BRWD3: variants seen among roughly 807,000 people sequenced by gnomAD.
BRWD3 encodes the protein bromodomain and WD repeat domain containing 3.
BRWD3 carries 10 observed loss-of-function variants against 149.7 expected under a neutral mutation model. The ratio of observed to expected loss-of-function variants is 0.07; its 90% CI spans 0.04 to 0.11. The LOEUF (loss-of-function observed/expected upper bound fraction) is 0.11, where lower values mean the gene tolerates loss of function less well. Among genes scored for constraint, BRWD3 ranks in the 10% least tolerant of loss-of-function variants. The probability of loss-of-function intolerance (pLI) is 1.00; values close to 1 mark genes in which losing one functional copy is unlikely to be tolerated. For synonymous variants in BRWD3, 504 were observed against 456.7 expected (o/e 1.10, Z -1.32); for missense variants, 940 against 1,373.2 (o/e 0.68, Z 4.99).
chrX:80,798,863 G>T (rs1350365979), intron 4 of BRWD3, among the ~76,000 whole-genome samples: 1 of 111,560 alleles, frequency 9.0e-6, no homozygotes, highest in East Asian at 2.8e-4. Flanking sequence ...TGAAATGTAA[G>T]GATCCCTATG....
chrX:80,762,207 T>C (rs189927857), intron 6 of BRWD3, among the ~76,000 whole-genome samples: 1 of 111,793 alleles, frequency 8.9e-6, no homozygotes, highest in East Asian at 2.8e-4. Context: ...GTTTTGCCTT[T>C]CTCTCTTTGA....
chrX:80,770,450 C>A (rs62211732), intron 6 of BRWD3, among the ~76,000 whole-genome samples: 3 of 111,631 alleles, frequency 2.7e-5, no homozygotes, highest in African/African-American at 9.8e-5. Flanking sequence ...GTTCAGCATA[C>A]GCAAATCAAT....
At chrX:80,682,751 T>G (rs2072471577) in intron 37 of BRWD3, 123 bp from the exon 38 acceptor site, 2 of 659,831 alleles carry the variant, frequency 3.0e-6, no homozygotes, top group Admixed American at 3.6e-5. Context: ...TGAAAAATTC[T>G]TCTCAAATAA....
At chrX:80,721,091 T>A (rs1326753818) in intron 17 of BRWD3, among the ~76,000 whole-genome samples, 6 of 112,374 alleles carry the variant, frequency 5.3e-5, no homozygotes, top group Non-Finnish European at 9.4e-5. Context: ...TTACTGTCTT[T>A]TGATAACATT....
At position 80,689,956 on chromosome X, in the gene BRWD3, C is replaced by G. The variant is rs1569247171; in HGVS notation, c.3728+11G>C. On this transcript the variant is annotated intron_variant, in intron 32 of 40. Coordinates refer to ENST00000373275, the MANE Select transcript of BRWD3 (RefSeq NM_153252.5). ...AAGTTAGACTCTCTGGAAGCTAAAA[C>G]TGCTTCTTACCCAATAAATCGAAGT... 8.3e-7 allele frequency: 1 copy of G among 1,207,934 alleles called. No homozygotes were observed. Among genetic ancestry groups the G allele is most frequent in the Non-Finnish European group, 1.1e-6 (1 of 893,074 alleles).
At chrX:80,791,628 GTGAAA>G (rs775005246) in intron 6 of BRWD3, among the ~76,000 whole-genome samples, 2 of 112,017 alleles carry the variant, frequency 1.8e-5, no homozygotes, top group African/African-American at 6.5e-5. Context: ...TAAGAAAGAA[GTGAAA>G]TGAAATGAAA....
At chrX:80,733,814 G>A (rs1370375658) in intron 11 of BRWD3, among the ~76,000 whole-genome samples, 2 of 110,992 alleles carry the variant, frequency 1.8e-5, no homozygotes, top group Admixed American at 1.9e-4. Context: ...TTTAATAGTA[G>A]TTGCATTAAA....
intron 20 of BRWD3, among the ~76,000 whole-genome samples, chrX:80,715,099 T>A (rs979374242): frequency 1.9e-4 from 21 of 110,729 alleles, no homozygotes; most frequent in African/African-American, 6.2e-4. Flanking sequence ...AGTAAAAATA[T>A]CTACAGACCT....
At position 80,712,381 on chromosome X, in the gene BRWD3, T is replaced by C. The variant is rs1453842531; in HGVS notation, c.2326-2804A>G. On this transcript the variant is annotated intron_variant, in intron 20 of 40. Transcript: ENST00000373275. The stretch of plus-strand genomic sequence containing the variant: ...GGCCGGGCTGGTCTCCAGCTCCTAA[T>C]CGCGAGTGATCCGCAAGCCTCGGCC... Among the ~76,000 whole-genome samples the C allele has an allele frequency of 6.4e-5, 7 of 109,895 alleles. No homozygotes were observed. In the South Asian group the frequency reaches 1.6e-3, roughly 25 times the overall value.
intron 31 of BRWD3, among the ~76,000 whole-genome samples, chrX:80,690,467 T>G (rs757275914): frequency 1.5e-3 from 163 of 111,556 alleles, no homozygotes; most frequent in African/African-American, 5.1e-3. Flanking sequence ...TAATTACTTT[T>G]ATGATATAAA....
At position 80,730,447 on chromosome X, in the gene BRWD3, A is replaced by AAGAAAGAC. The variant is rs1555972947; in HGVS notation, c.1128-428_1128-427insGTCTTTCT. On this transcript the variant is annotated intron_variant, in intron 12 of 40. Transcript: ENST00000373275. ...AAAGAAAGAAAGAAAGAAAGAAAGA[A>AAGAAAGAC]AGACACAGTTAACACAGATGAATCT... 2.7e-3 allele frequency among the ~76,000 whole-genome samples: 290 copies of AAGAAAGAC among 108,573 alleles called. 1 individual carries two copies. The highest frequency in any genetic ancestry group is 4.5e-3 in the Non-Finnish European group (234 of 51,977). The allele number at this position is 108,573 out of a possible 115,157, so 94.3% of individuals were successfully genotyped here. A position where few individuals can be genotyped will look rare whatever the true frequency, so the allele number is the denominator to read the frequency against.
At chrX:80,776,503 C>T (rs762011378) in intron 6 of BRWD3, among the ~76,000 whole-genome samples, 2 of 111,520 alleles carry the variant, frequency 1.8e-5, no homozygotes, top group East Asian at 2.8e-4. Flanking sequence ...ATTTATAAGA[C>T]TACATGTTAA....
intron 6 of BRWD3, among the ~76,000 whole-genome samples, chrX:80,786,164 G>A (rs994448988): frequency 1.4e-4 from 16 of 112,323 alleles, no homozygotes; most frequent in African/African-American, 5.2e-4. Context: ...CTAGCCACAT[G>A]TGGTTGCTGA....
rs779455186 is a variant in BRWD3 at position 80,803,214 on chromosome X, G to A, written c.180+5325C>T. Among the ~76,000 whole-genome samples the A allele has an allele frequency of 9.9e-5, 11 of 110,702 alleles. No homozygotes were observed. In the East Asian group the frequency reaches 2.8e-3, roughly 29 times the overall value. ...CATTTTGCTGCCTACCAAAAGGAAA[G>A]TGTTTATTAATCAATCAGTAATCAA... On this transcript the variant is annotated intron_variant, in intron 4 of 40. Transcript: ENST00000373275.
At chrX:80,787,992 G>C (rs2074131111) in intron 6 of BRWD3, among the ~76,000 whole-genome samples, 1 of 109,967 alleles carries the variant, frequency 9.1e-6, no homozygotes, top group Non-Finnish European at 1.9e-5. Context: ...GCTGAGGCAG[G>C]AGAATGGCGT....
chrX:80,806,481 C>T (rs893509228), intron 4 of BRWD3, among the ~76,000 whole-genome samples: 1 of 111,545 alleles, frequency 9.0e-6, no homozygotes, highest in African/African-American at 3.3e-5. Flanking sequence ...TAAATTAGTA[C>T]AATCTTCTGG....
chrX:80,788,750 T>C (rs989937581), intron 6 of BRWD3, among the ~76,000 whole-genome samples: 4 of 112,005 alleles, frequency 3.6e-5, no homozygotes, highest in Non-Finnish European at 5.6e-5. Flanking sequence ...TAGAATGGAA[T>C]GCTACTTGGT....
intron 6 of BRWD3, among the ~76,000 whole-genome samples, chrX:80,749,321 C>A (rs978497019): frequency 4.5e-5 from 5 of 111,098 alleles, no homozygotes; most frequent in African/African-American, 1.6e-4. Flanking sequence ...CTCTCTCTTC[C>A]TCCCTCCCTC....
At chrX:80,783,940 G>A (rs190517366) in intron 6 of BRWD3, among the ~76,000 whole-genome samples, 1 of 111,399 alleles carries the variant, frequency 9.0e-6, no homozygotes, top group East Asian at 2.8e-4. Context: ...GTGGGAAAGA[G>A]CGGGGAAGTG....
Sources: gnomAD v4.1 joint callset for allele counts (sites outside exome capture counted in the v4.1 genomes callset) on GRCh38, gnomAD v4.1.1 for gene constraint, MANE v1.5 for transcripts, NCBI Gene and HGNC (gene_info 2026-07-23, HGNC 2026-07-21) for gene names.